Variants in NELFCD observed in about 807,000 individuals in gnomAD.
NELFCD encodes the protein negative elongation factor C/D.
In NELFCD, 48 loss-of-function variants were observed where a neutral mutation model predicts 72.9. The ratio of observed to expected loss-of-function variants is 0.66; its 90% CI spans 0.52 to 0.84. The LOEUF is 0.84. Among genes scored for constraint, NELFCD ranks in the 40% least tolerant of loss-of-function variants. The probability of loss-of-function intolerance (pLI) is 0.00; values close to 1 mark genes in which losing one functional copy is unlikely to be tolerated. For synonymous variants in NELFCD, 297 were observed against 280.6 expected, an observed-to-expected ratio of 1.06 and a Z score of -0.59; for missense variants, 538 against 723.8, an observed-to-expected ratio of 0.74 and a Z score of 2.94.
Position 58,993,669 on chromosome 20 carries a change from A to C in NELFCD, c.1486A>C (p.Ser496Arg). 2 of 1,614,196 alleles carry C rather than the reference A, an allele frequency of 1.2e-6. No individual in the cohort carries two copies. The highest frequency in any genetic ancestry group is 1.7e-6 in the Non-Finnish European group (2 of 1,180,036). Reference protein sequence around the residue: ...TLLDRMVHLLSRGYVLPVVSY... With the variant: ...TLLDRMVHLLRRGYVLPVVSY... Reference sequence around the variant, plus strand: ...GCTGGACAGGATGGTTCACCTGCTGAGTCGAGGTTATGTACTTCCTGTTGT... The same window carrying C: ...GCTGGACAGGATGGTTCACCTGCTGCGTCGAGGTTATGTACTTCCTGTTGT... The change falls in exon 13 of 15, where the codon AGT (serine) becomes CGT (arginine). Residue 496 changes from serine (S) to arginine (R), a missense_variant. Ser to Arg is a moderately radical substitution (Grantham distance 110, BLOSUM62 -1). This residue lies in a region of NELFCD where 136 missense variants were observed against 154.0 expected (regional missense o/e 0.88). Coordinates refer to ENST00000652272, the MANE Select transcript of NELFCD (RefSeq NM_198976.4). The surrounding 1 kb of genome is among the most constrained non-coding windows in gnomAD (Gnocchi z 5.0).
At chr20:58,990,706 T>A in intron 7 of NELFCD, 1 of 529,878 alleles carries the variant, frequency 1.9e-6, no homozygotes, top group South Asian at 2.9e-5. Context: ...GTATTTAAAG[T>A]GTGTGACTCC....
chr20:58,993,119 G>A lies in NELFCD; in HGVS notation c.1344+7G>A. The A allele has an allele frequency of 6.2e-7, 1 of 1,603,488 alleles. No individual in the cohort carries two copies. The highest frequency in any genetic ancestry group is 8.5e-7 in the Non-Finnish European group (1 of 1,170,372). On this transcript the variant is annotated splice_region_variant and intron_variant, in intron 11 of 14. Transcript: ENST00000652272. The surrounding 1 kb of genome is among the most constrained non-coding windows in gnomAD (Gnocchi z 5.0). ...CCTGGCGTTGCTGGATGAGGTAAGA[G>A]GGCGGAGAGCTGTTCACAGCCTACA... is the stretch of plus-strand genomic sequence containing the variant.
chr20:58,987,537 G>C lies in NELFCD; in HGVS notation c.287-171G>C, dbSNP rs890008588. The C allele has an allele frequency of 6.6e-6, 4 of 607,070 alleles. No individual in the cohort carries two copies. The African/African-American group carries it at 7.4e-5, about 11-fold the overall frequency. 37.6% of individuals were successfully genotyped at this position (607,070 alleles called of 1,614,324 possible). A position where few individuals can be genotyped will look rare whatever the true frequency, so the allele number is the denominator to read the frequency against. On this transcript the variant is annotated intron_variant, in intron 3 of 14. Transcript: ENST00000652272. ...TGTGTTCTGTTCTGTGCTGCTTTTT[G>C]GTCTTATCATTGATAACTACTTTGA...
intron 1 of NELFCD, among the ~76,000 whole-genome samples, chr20:58,981,606 G>GT (rs2091733384): frequency 6.6e-6 from 1 of 150,592 alleles, no homozygotes; most frequent in Non-Finnish European, 1.5e-5. Flanking sequence ...GGACCTTGGG[G>GT]TGGGGGTGAG....
At chr20:58,981,480 G>T (rs1357038111) in intron 1 of NELFCD, 111 bp downstream of exon 1, 2 of 310,386 alleles carry the variant, frequency 6.4e-6, no homozygotes, top group Non-Finnish European at 9.6e-6. Context: ...GCGTGCGGGG[G>T]GTGTGCGCGC....
chr20:58,984,536 A>T (rs1008608614), intron 1 of NELFCD, among the ~76,000 whole-genome samples: 4 of 152,074 alleles, frequency 2.6e-5, no homozygotes, highest in African/African-American at 9.7e-5. Context: ...GGGGTGAGGG[A>T]GAGAAGCTGA....
At chr20:58,994,528 C>T (rs2091843895) in intron 14 of NELFCD, 114 bp from the exon 15 acceptor site, 6 of 897,952 alleles carry the variant, frequency 6.7e-6, no homozygotes, top group South Asian at 3.1e-5. Context: ...CGCCATTGCA[C>T]TCTATCCTGG....
intron 1 of NELFCD, among the ~76,000 whole-genome samples, chr20:58,984,441 C>T (rs764465696): frequency 1.7e-4 from 26 of 151,902 alleles, no homozygotes; most frequent in Non-Finnish European, 3.5e-4. Context: ...TAAGGAAGAG[C>T]AGAGGCAAAT....
At chr20:58,987,895 A>AT (rs2091784416) in intron 4 of NELFCD, 78 bp downstream of exon 4, 1 of 1,061,526 alleles carries the variant, frequency 9.4e-7, no homozygotes, top group Non-Finnish European at 1.4e-6. Flanking sequence ...GGAGCGTGGC[A>AT]TATCATGTAA....
In NELFCD at chr20:58,982,438, G is replaced by A. The variant is rs564870206; in HGVS notation, c.60+1069G>A. ...CTCCCAAAGTACTGGGATTACAGGC[G>A]TGAGCCACTGCTCGTGGCCCAGGAA... On this transcript the variant is annotated intron_variant, in intron 1 of 14. Transcript: ENST00000652272. Among the ~76,000 whole-genome samples, 196 of 152,268 alleles carry A rather than the reference G, an allele frequency of 1.3e-3. 1 individual carries two copies. The highest frequency in any genetic ancestry group is 4.5e-3 in the African/African-American group (186 of 41,546).
intron 5 of NELFCD, 31 bp from the exon 6 acceptor site, chr20:58,989,457 C>T: frequency 6.2e-7 from 1 of 1,610,384 alleles, no homozygotes; most frequent in East Asian, 2.2e-5. Context: ...CACTGCATGC[C>T]TCCCCTCTGA....
rs2091820761 is a variant in NELFCD at position 58,991,960 on chromosome 20, A to G, written c.1169A>G (p.Asn390Ser). ...GAAACCGTTCACAATTTGTGTTGCA[A>G]CGAGAACAAAGGGGCCTCTGAACTA... Reference protein sequence around the residue: ...AVETVHNLCCNENKGASELVA... With the variant: ...AVETVHNLCCSENKGASELVA... Residue 390 changes from asparagine to serine, a missense_variant, in exon 10 of 15, where the codon AAC (asparagine) becomes AGC (serine). Asn to Ser is a conservative substitution (Grantham distance 46). This residue lies in a region of NELFCD where 355 missense variants were observed against 534.5 expected (regional missense o/e 0.66). Transcript: ENST00000652272. The G allele has an allele frequency of 6.2e-7, 1 of 1,614,216 alleles. No individual in the cohort carries two copies. The highest frequency in any genetic ancestry group is 8.5e-7 in the Non-Finnish European group (1 of 1,180,042).
Position 58,993,194 on chromosome 20 carries a change from A to C in NELFCD, c.1344+82A>C, listed in dbSNP as rs2091830323. 1.1e-5 allele frequency: 12 copies of C among 1,079,544 alleles called. No individual in the cohort carries two copies. Among genetic ancestry groups the C allele is most frequent in the Non-Finnish European group, 1.7e-5 (12 of 698,300 alleles). The allele number at this position is 1,079,544 out of a possible 1,614,324, so 66.9% of individuals were successfully genotyped here. A position where few individuals can be genotyped will look rare whatever the true frequency, so the allele number is the denominator to read the frequency against. ...GTTGGCATTAACATTGCATCTATTC[A>C]GTGAGTTTAGAGGATACTCTTCTCA... On this transcript the variant is annotated intron_variant, in intron 11 of 14. Coordinates refer to ENST00000652272, the MANE Select transcript of NELFCD (RefSeq NM_198976.4). This position sits in a 1 kb window ranked among gnomAD's most constrained non-coding sequence, Gnocchi z 5.0.
At chr20:58,992,313 G>T (rs1226429913) in intron 10 of NELFCD, among the ~76,000 whole-genome samples, 2 of 152,150 alleles carry the variant, frequency 1.3e-5, no homozygotes, top group African/African-American at 4.8e-5. Flanking sequence ...TGCCCACAAA[G>T]TATTGCTTAC....
rs2273360 is a variant in NELFCD, at chr20:58,989,015, C to T, written c.498C>T (p.Thr166=). The part of the protein sequence containing the change: ...AHPDCLMLNF[T]VKLISDAGYQ... ...CAGACTGTTTGATGCTGAACTTCAC[C>T]GTTAAGGTAGGAAGAGTTCTAGAGT... Residue 166 remains threonine, a synonymous_variant, in exon 5 of 15, where the codon ACC becomes ACT. Coordinates refer to ENST00000652272, the MANE Select transcript of NELFCD (RefSeq NM_198976.4). 186,573 of 1,606,424 alleles carry T rather than the reference C, an allele frequency of 0.12. 11,858 individuals are homozygous for T. Among genetic ancestry groups the T allele is most frequent in the Admixed American group, 0.21 (12,882 of 59,980 alleles).
chr20:58,993,380 G>A lies in NELFCD; in HGVS notation c.1345-69G>A. On this transcript the variant is annotated intron_variant, in intron 11 of 14. Coordinates refer to ENST00000652272, the MANE Select transcript of NELFCD (RefSeq NM_198976.4). The surrounding 1 kb of genome is among the most constrained non-coding windows in gnomAD (Gnocchi z 5.0). ...GATAAGCTCTTTGGTGGCTGTGACA[G>A]TGCCCAGTTTCTCTGTGTGCTGAGC... 1 of 1,457,214 alleles carries A rather than the reference G, an allele frequency of 6.9e-7. No individual in the cohort carries two copies. The highest frequency in any genetic ancestry group is 9.5e-7 in the Non-Finnish European group (1 of 1,050,650). The allele number at this position is 1,457,214 out of a possible 1,614,324, so 90.3% of individuals were successfully genotyped here.
rs1441023188 is a variant in NELFCD at position 58,994,215 on chromosome 20, C to T, written c.1687C>T (p.His563Tyr). The change falls in exon 14 of 15, where the codon CAT (histidine) becomes TAT (tyrosine). Residue 563 changes from histidine to tyrosine, a missense_variant. His to Tyr is a moderately conservative substitution (Grantham distance 83). This residue lies in a region of NELFCD where 136 missense variants were observed against 154.0 expected (regional missense o/e 0.88). Coordinates refer to ENST00000652272, the MANE Select transcript of NELFCD (RefSeq NM_198976.4). ...AGGTACCATCAAAACGGAAGGCGAG[C>T]ATGACCCTGTGACGGAGTTTATAGG... Reference protein sequence around the residue: ...IAGTIKTEGEHDPVTEFIAHC... With the variant: ...IAGTIKTEGEYDPVTEFIAHC... 6.2e-7 allele frequency: 1 copy of T among 1,614,006 alleles called. No individual in the cohort carries two copies. Among genetic ancestry groups the T allele is most frequent in the Non-Finnish European group, 8.5e-7 (1 of 1,179,992 alleles).
chr20:58,991,625 C>G, intron 9 of NELFCD, 179 bp downstream of exon 9: 1 of 763,162 alleles, frequency 1.3e-6, no homozygotes, highest in Non-Finnish European at 2.1e-6. Flanking sequence ...TGCGTAATGT[C>G]TCCAATGCTC....
intron 1 of NELFCD, among the ~76,000 whole-genome samples, chr20:58,984,526 G>A (rs1213851190): frequency 2.6e-5 from 4 of 152,154 alleles, no homozygotes; most frequent in African/African-American, 9.7e-5. Context: ...ATGTGGGGGT[G>A]GGGTGAGGGA....
Sources: gnomAD v4.1 joint callset for allele counts (sites outside exome capture counted in the v4.1 genomes callset) on GRCh38, gnomAD v4.1.1 for gene constraint, gnomAD v4.1.1 regional missense constraint, Gnocchi (gnomAD v3.1) non-coding constraint, MANE v1.5 for transcripts, NCBI Gene and HGNC (gene_info 2026-07-23, HGNC 2026-07-21) for gene names.